The following S100A16 variants were observed in gnomAD, a reference collection of about 807,000 sequenced individuals.
S100A16 encodes protein S100-A16.
S100A16 carries 8 observed loss-of-function variants against 9.0 expected under a neutral mutation model. The observed-to-expected ratio is 0.89, with a 90% CI of 0.52 to 1.60. The LOEUF is 1.60. S100A16 is among the 40% of genes most tolerant of loss of function. The pLI is 0.00. For synonymous variants in S100A16, 51 were observed against 51.4 expected (o/e 0.99, Z 0.04); for missense variants, 138 against 132.4 (o/e 1.04, Z -0.21).
Position 153,607,575 on chromosome 1 carries a change from C to T in S100A16, c.271G>A (p.Ala91Thr), listed in dbSNP as rs201595733. The T allele has an allele frequency of 2.5e-6, 4 of 1,614,192 alleles. No individual in the cohort carries two copies. The highest frequency in any genetic ancestry group is 2.2e-5 in the East Asian group (1 of 44,880). The change falls in exon 3 of 3, where the codon GCC (alanine) becomes ACC (threonine). Residue 91 changes from alanine (A) to threonine (T), a missense_variant. By Grantham distance (58) the Ala-to-Thr change is moderately conservative. Transcript: ENST00000368706. ...TGCTCCTGCTCATGGATGAGTTTGG[C>T]GATGGGGCCGGTGATGCCGCCTATC... ...TLIGGITGPI[A>T]KLIHEQEQQS...
At chr1:153,608,448 C>T in intron 1 of S100A16, 1 of 404,662 alleles carries the variant, frequency 2.5e-6, no homozygotes, top group Non-Finnish European at 4.5e-6. Flanking sequence ...GGTTCCAGCC[C>T]TAGGGAGCAA....
At chr1:153,611,462 C>T (rs1314419377) in intron 1 of S100A16, among the ~76,000 whole-genome samples, 2 of 151,990 alleles carry the variant, frequency 1.3e-5, no homozygotes, top group Non-Finnish European at 1.5e-5. Flanking sequence ...GAGCCTAGCC[C>T]ACTGTCAAGC....
At chr1:153,612,533 CA>C (rs2101517454) in intron 1 of S100A16, among the ~76,000 whole-genome samples, 1 of 152,222 alleles carries the variant, frequency 6.6e-6, no homozygotes, top group South Asian at 2.1e-4. Flanking sequence ...TTCTGGACCC[CA>C]TCACCTCCCC....
chr1:153,611,917 T>TCACACACACACACACACACACACACACA (rs55729519), intron 1 of S100A16, among the ~76,000 whole-genome samples: 1 of 140,792 alleles, frequency 7.1e-6, no homozygotes, highest in African/African-American at 2.6e-5. Context: ...TGTCTCTCTC[T>TCACACACACACACACACACACACACACA]CACACACACA....
At chr1:153,612,129 A>G (rs1442505042) in intron 1 of S100A16, among the ~76,000 whole-genome samples, 2 of 149,776 alleles carry the variant, frequency 1.3e-5, no homozygotes, top group Non-Finnish European at 3.0e-5. Context: ...CAGCTACCCC[A>G]GCCTCAACAA....
In S100A16 at chr1:153,608,092, G is replaced by A. The variant is rs779832817; in HGVS notation, c.60C>T (p.Tyr20=). 1 of 1,614,056 alleles carries A rather than the reference G, an allele frequency of 6.2e-7. No homozygotes were observed. The highest frequency in any genetic ancestry group is 1.1e-5 in the South Asian group (1 of 91,086). The change falls in exon 2 of 3, where the codon TAC becomes TAT. Residue 20 remains tyrosine, a synonymous_variant. Transcript: ENST00000368706. ...KAVIVLVENF[Y]KYVSKYSLVK... Reference sequence around the variant, plus strand: ...CCAGGCTGTACTTAGACACATATTTGTAGAAGTTTTCCACCAGGACAATGA... The same window carrying A: ...CCAGGCTGTACTTAGACACATATTTATAGAAGTTTTCCACCAGGACAATGA...
chr1:153,607,107 CT>C lies in S100A16; in HGVS notation c.*426del. 1 of 452,196 alleles carries C rather than the reference CT, an allele frequency of 2.2e-6. No individual in the cohort carries two copies. The highest frequency in any genetic ancestry group is 2.0e-5 in the African/African-American group (1 of 50,006). 28.0% of individuals were successfully genotyped at this position (452,196 alleles called of 1,614,324 possible). A position where few individuals can be genotyped will look rare whatever the true frequency, so the allele number is the denominator to read the frequency against. ...AGTGGAGAGGTCTCTGCTGCTGCTGCTGCTGCTGCTGCTGCTGTTGCTGCTA... is the reference window on the plus strand; with the variant it reads ...AGTGGAGAGGTCTCTGCTGCTGCTGCGCTGCTGCTGCTGCTGTTGCTGCTA... On this transcript the variant is annotated 3_prime_UTR_variant, in exon 3 of 3. Coordinates refer to ENST00000368706, the MANE Select transcript of S100A16 (RefSeq NM_080388.3).
At chr1:153,609,249 G>A in intron 1 of S100A16, 1 of 985,652 alleles carries the variant, frequency 1.0e-6, no homozygotes, top group Non-Finnish European at 1.2e-6. Flanking sequence ...GCAAGCCACA[G>A]TCAGATTTGG....
Position 153,607,287 on chromosome 1 carries a change from A to C in S100A16, c.*247T>G. 1.7e-6 allele frequency: 1 copy of C among 579,322 alleles called. No homozygotes were observed. The highest frequency in any genetic ancestry group is 3.1e-6 in the Non-Finnish European group (1 of 324,402). 35.9% of individuals were successfully genotyped at this position (579,322 alleles called of 1,614,324 possible). A position where few individuals can be genotyped will look rare whatever the true frequency, so the allele number is the denominator to read the frequency against. On this transcript the variant is annotated 3_prime_UTR_variant, in exon 3 of 3. Transcript: ENST00000368706. ...GAGAAAACTCTTAGGGTCCCCAGACAGCATTGAGATCTCACAGAGGGGCCC... is the reference window on the plus strand; with the variant it reads ...GAGAAAACTCTTAGGGTCCCCAGACCGCATTGAGATCTCACAGAGGGGCCC...
intron 1 of S100A16, among the ~76,000 whole-genome samples, chr1:153,608,525 C>T (rs1666756580): frequency 6.6e-6 from 1 of 152,182 alleles, no homozygotes; most frequent in Non-Finnish European, 1.5e-5. Context: ...CACCTGTTCT[C>T]CCACCCTGCT....
chr1:153,607,410 G>C lies in S100A16; in HGVS notation c.*124C>G, dbSNP rs1027718267. ...GGACCCCAGTTCAGCAAGGGTCAGA[G>C]GAAGGTCTGGAGGGAGAAGAGAGTA... On this transcript the variant is annotated 3_prime_UTR_variant, in exon 3 of 3. Coordinates refer to ENST00000368706, the MANE Select transcript of S100A16 (RefSeq NM_080388.3). The C allele has an allele frequency of 9.0e-7, 1 of 1,112,574 alleles. No homozygotes were observed. The highest frequency in any genetic ancestry group is 1.3e-6 in the Non-Finnish European group (1 of 761,106). The allele number at this position is 1,112,574 out of a possible 1,614,324, so 68.9% of individuals were successfully genotyped here. A position where few individuals can be genotyped will look rare whatever the true frequency, so the allele number is the denominator to read the frequency against.
intron 1 of S100A16, among the ~76,000 whole-genome samples, chr1:153,608,481 C>CTCTGACATGA (rs1412440875): frequency 1.3e-5 from 2 of 152,186 alleles, no homozygotes; most frequent in Non-Finnish European, 2.9e-5. Context: ...CAGAGCCCTA[C>CTCTGACATGA]GGGGCAAGAG....
chr1:153,609,324 C>A (rs1189636080), intron 1 of S100A16: 2 of 985,864 alleles, frequency 2.0e-6, no homozygotes, highest in Non-Finnish European at 2.4e-6. Flanking sequence ...TTCCGTTGGC[C>A]ACTTGTGGCC....
At chr1:153,612,608 C>T (rs74118304) in intron 1 of S100A16, among the ~76,000 whole-genome samples, 3,725 of 152,200 alleles carry the variant, frequency 0.024, 138 homozygotes, top group African/African-American at 0.086. Context: ...CCAACCCAGA[C>T]CAACACGCAT....
chr1:153,611,848 C>A (rs1666840055), intron 1 of S100A16, among the ~76,000 whole-genome samples: 1 of 92,448 alleles, frequency 1.1e-5, no homozygotes, highest in South Asian at 4.1e-4. Flanking sequence ...CATAGTGGGG[C>A]CTGCTTGGCC....
chr1:153,611,917 T>TCACA lies in S100A16; in HGVS notation c.-27+1031_-27+1034dup, dbSNP rs55729519. On this transcript the variant is annotated intron_variant, in intron 1 of 2. Coordinates refer to ENST00000368706, the MANE Select transcript of S100A16 (RefSeq NM_080388.3). ...GCGTCTAACTCTCTTTGTCTCTCTC[T>TCACA]CACACACACACACACACACACACAC... Among the ~76,000 whole-genome samples the TCACA allele has an allele frequency of 5.5e-3, 781 of 140,882 alleles. 7 individuals carry two copies. Among genetic ancestry groups the TCACA allele is most frequent in the South Asian group, 0.015 (63 of 4,216 alleles). 92.4% of individuals were successfully genotyped at this position (140,882 alleles called of 152,430 possible). A position where few individuals can be genotyped will look rare whatever the true frequency, so the allele number is the denominator to read the frequency against.
intron 1 of S100A16, among the ~76,000 whole-genome samples, chr1:153,611,978 A>ATCCCC (rs1406574144): frequency 7.4e-5 from 11 of 148,532 alleles, no homozygotes; most frequent in African/African-American, 2.7e-4. Context: ...GCCATTCCTG[A>ATCCCC]TCCCCTCTGC....
chr1:153,607,710 T>C lies in S100A16; in HGVS notation c.154-18A>G. 6.2e-7 allele frequency: 1 copy of C among 1,613,854 alleles called. No homozygotes were observed. The highest frequency in any genetic ancestry group is 8.5e-7 in the Non-Finnish European group (1 of 1,179,926). ...CCTGTGTCCTGGGGAGGAAGCAGGG[T>C]CAGCAATGCTGATGGTGGAAGCCCC... On this transcript the variant is annotated intron_variant, in intron 2 of 2. Coordinates refer to ENST00000368706, the MANE Select transcript of S100A16 (RefSeq NM_080388.3).
chr1:153,608,999 A>G, intron 1 of S100A16: 1 of 985,768 alleles, frequency 1.0e-6, no homozygotes, highest in Non-Finnish European at 1.2e-6. Context: ...TCACCCCAGG[A>G]CAAAAGACAC....
Sources: gnomAD v4.1 joint callset for allele counts (sites outside exome capture counted in the v4.1 genomes callset) on GRCh38, gnomAD v4.1.1 for gene constraint, MANE v1.5 for transcripts, NCBI Gene and HGNC (gene_info 2026-07-23, HGNC 2026-07-21) for gene names.